ZNF521: variants seen among roughly 807,000 people sequenced by gnomAD.
The protein encoded by ZNF521 is zinc finger protein 521.
A neutral mutation model predicts 105.5 loss-of-function variants in ZNF521; 14 were observed. The ratio of observed to expected loss-of-function variants is 0.13; its 90% confidence interval spans 0.09 to 0.21. The LOEUF (loss-of-function observed/expected upper bound fraction) is 0.21, where lower values mean the gene tolerates loss of function less well. ZNF521 is among the 10% of genes least tolerant of loss of function. ZNF521 has a pLI of 1.00. For missense variants in ZNF521, 1,233 were observed against 1,629.7 expected, an observed-to-expected ratio of 0.76 and a Z score of 4.19; for synonymous variants, 635 against 606.0, an observed-to-expected ratio of 1.05 and a Z score of -0.70.
chr18:25,099,583 T>C (rs1387789412), intron 5 of ZNF521, among the ~76,000 whole-genome samples: 1 of 152,186 alleles, frequency 6.6e-6, no homozygotes, highest in Non-Finnish European at 1.5e-5. Context: ...TACCTTTTAT[T>C]TGTCCCAAGT....
chr18:25,296,630 G>A (rs1911331589), intron 3 of ZNF521, among the ~76,000 whole-genome samples: 1 of 152,074 alleles, frequency 6.6e-6, no homozygotes, highest in Admixed American at 6.5e-5. Flanking sequence ...TCACACAATG[G>A]TGTACACATC....
At chr18:25,074,288 T>C (rs540398878) in intron 7 of ZNF521, among the ~76,000 whole-genome samples, 26 of 152,364 alleles carry the variant, frequency 1.7e-4, no homozygotes, top group African/African-American at 6.0e-4. Flanking sequence ...ATTCTTGTTT[T>C]AAGATCTAAG....
At chr18:25,095,219 G>A (rs1007246458) in intron 5 of ZNF521, among the ~76,000 whole-genome samples, 2 of 151,988 alleles carry the variant, frequency 1.3e-5, no homozygotes, top group African/African-American at 4.8e-5. Flanking sequence ...GTTCTTGATG[G>A]GATACTATCA....
intron 5 of ZNF521, among the ~76,000 whole-genome samples, chr18:25,116,944 C>T (rs1278578152): frequency 1.5e-4 from 21 of 138,534 alleles, no homozygotes; most frequent in African/African-American, 2.5e-4. Context: ...CGTATATATA[C>T]ACATATATAT....
chr18:25,319,598 A>C (rs1451757706), intron 3 of ZNF521, among the ~76,000 whole-genome samples: 2 of 150,630 alleles, frequency 1.3e-5, no homozygotes, highest in African/African-American at 2.4e-5. Context: ...TCCATCACAA[A>C]AAAAAAAAAA....
In ZNF521 at chr18:25,225,567, T is replaced by G. The variant is rs746758257; in HGVS notation, c.2351A>C (p.Lys784Thr). 6.2e-7 allele frequency: 1 copy of G among 1,614,092 alleles called. No homozygotes were observed. The highest frequency in any genetic ancestry group is 1.3e-5 in the African/African-American group (1 of 74,930). Residue 784 changes from lysine (K) to threonine (T), a missense_variant, in exon 4 of 8, where the codon AAG (lysine) becomes ACG (threonine). This residue lies in a region of ZNF521 where 614 missense variants were observed against 751.5 expected (regional missense o/e 0.82). Transcript: ENST00000361524. This position sits in a 1 kb window ranked among gnomAD's most constrained non-coding sequence, Gnocchi z 5.6. ...NHLENQGKVH[K>T]CIFCGESFGT... ...AAAGGACTCACCGCAGAAAATGCACTTATGCACTTTCCCTTGGTTTTCCAG... is the reference window on the plus strand; with the variant it reads ...AAAGGACTCACCGCAGAAAATGCACGTATGCACTTTCCCTTGGTTTTCCAG...
At chr18:25,274,067 G>A (rs1041711317) in intron 3 of ZNF521, among the ~76,000 whole-genome samples, 2 of 152,236 alleles carry the variant, frequency 1.3e-5, no homozygotes, top group East Asian at 3.9e-4. Context: ...CTCCTTATCA[G>A]CTGTATTTCT....
intron 3 of ZNF521, among the ~76,000 whole-genome samples, chr18:25,258,683 TCTC>T (rs1908687937): frequency 6.6e-6 from 1 of 152,098 alleles, no homozygotes; most frequent in Non-Finnish European, 1.5e-5. Flanking sequence ...CCTATCTTCT[TCTC>T]TATCATGCTA....
At position 25,122,982 on chromosome 18, in the gene ZNF521, T is replaced by C. The variant is rs144721238; in HGVS notation, c.3659-30901A>G. Among the ~76,000 whole-genome samples the C allele has an allele frequency of 2.8e-3, 424 of 152,190 alleles. 2 individuals are homozygous for C. Among genetic ancestry groups the C allele is most frequent in the African/African-American group, 9.7e-3 (401 of 41,526 alleles). On this transcript the variant is annotated intron_variant, in intron 5 of 7. Transcript: ENST00000361524. ...TTGGTTTGGTCAAATATAGAGCCCTTAACTTAGGATGAGATTCTATCTGCT... is the reference window on the plus strand; with the variant it reads ...TTGGTTTGGTCAAATATAGAGCCCTCAACTTAGGATGAGATTCTATCTGCT...
intron 3 of ZNF521, among the ~76,000 whole-genome samples, chr18:25,270,508 A>G (rs1472469645): frequency 6.6e-6 from 1 of 152,238 alleles, no homozygotes; most frequent in Non-Finnish European, 1.5e-5. Flanking sequence ...GCTGATGAAC[A>G]TTGATGCAAA....
intron 5 of ZNF521, among the ~76,000 whole-genome samples, chr18:25,138,734 C>T (rs2034784241): frequency 6.6e-6 from 1 of 152,068 alleles, no homozygotes; most frequent in Non-Finnish European, 1.5e-5. Context: ...ATTCAATGCC[C>T]CGATTTAACA....
chr18:25,225,336 A>C lies in ZNF521; in HGVS notation c.2582T>G (p.Leu861Trp). ...VQKEEVELQT[L>W]LTNSQESHNS... ...GTGGGACTCCTGGCTGTTGGTCAGC[A>C]AAGTCTGCAGCTCCACTTCCTCTTT... Residue 861 changes from leucine to tryptophan, a missense_variant, in exon 4 of 8, where the codon TTG becomes TGG. Coordinates refer to ENST00000361524, the MANE Select transcript of ZNF521 (RefSeq NM_015461.3). This position sits in a 1 kb window ranked among gnomAD's most constrained non-coding sequence, Gnocchi z 5.6. 6.2e-7 allele frequency: 1 copy of C among 1,614,148 alleles called. No individual in the cohort carries two copies. The highest frequency in any genetic ancestry group is 8.5e-7 in the Non-Finnish European group (1 of 1,180,012).
chr18:25,137,076 T>C (rs2034749509), intron 5 of ZNF521, among the ~76,000 whole-genome samples: 1 of 152,162 alleles, frequency 6.6e-6, no homozygotes, highest in Non-Finnish European at 1.5e-5. Flanking sequence ...CGATTACGTC[T>C]ATAAAAACAA....
chr18:25,263,006 C>T lies in ZNF521; in HGVS notation c.221-35309G>A, dbSNP rs544842339. On this transcript the variant is annotated intron_variant, in intron 3 of 7. Transcript: ENST00000361524. ...AGGACAGAGCACAGAGTACTAGAAA[C>T]GGCCAGTGGAATATCTCCTTTTCTG... Among the ~76,000 whole-genome samples the T allele has an allele frequency of 9.8e-5, 15 of 152,308 alleles. No homozygotes were observed. In the South Asian group the frequency reaches 1.5e-3, roughly 15 times the overall value.
intron 5 of ZNF521, among the ~76,000 whole-genome samples, chr18:25,110,767 T>C (rs1324129566): frequency 1.3e-5 from 2 of 151,352 alleles, no homozygotes; most frequent in African/African-American, 4.9e-5. Flanking sequence ...CATTTCCCCC[T>C]CCTTTTTTTT....
chr18:25,195,905 T>C lies in ZNF521; in HGVS notation c.3574-661A>G, dbSNP rs189265116. Among the ~76,000 whole-genome samples the C allele has an allele frequency of 1.4e-3, 209 of 151,924 alleles. 1 individual carries two copies. The highest frequency in any genetic ancestry group is 2.5e-3 in the Non-Finnish European group (167 of 67,764). ...AGCAAGATTTTTATTATAATTCTTA[T>C]AGCATAAATGAAGAAACTGAGGTCC... On this transcript the variant is annotated intron_variant, in intron 4 of 7. Transcript: ENST00000361524.
At chr18:25,350,866 C>T (rs779761428) in intron 2 of ZNF521, 41 bp downstream of exon 2, 5 of 1,544,542 alleles carry the variant, frequency 3.2e-6, no homozygotes. Flanking sequence ...CAGTGACACT[C>T]GCGGATGGGG....
intron 5 of ZNF521, among the ~76,000 whole-genome samples, chr18:25,103,831 G>C (rs1352415056): frequency 6.6e-6 from 1 of 151,776 alleles, no homozygotes; most frequent in East Asian, 1.9e-4. Context: ...AATAAGGAAG[G>C]GAGGGAGGAA....
At chr18:25,205,897 G>A (rs372266729) in intron 4 of ZNF521, among the ~76,000 whole-genome samples, 3 of 151,998 alleles carry the variant, frequency 2.0e-5, no homozygotes, top group Non-Finnish European at 2.9e-5. Context: ...CTTATAATTC[G>A]TTTACATGTT....
Sources: gnomAD v4.1 joint callset for allele counts (sites outside exome capture counted in the v4.1 genomes callset) on GRCh38, gnomAD v4.1.1 for gene constraint, gnomAD v4.1.1 regional missense constraint, Gnocchi (gnomAD v3.1) non-coding constraint, MANE v1.5 for transcripts, NCBI Gene and HGNC (gene_info 2026-07-23, HGNC 2026-07-21) for gene names.